Variants in KLHL29 observed in about 807,000 individuals in gnomAD.
KLHL29 encodes the protein kelch like family member 29, also known as kelch-like protein 29.
A neutral mutation model predicts 80.4 loss-of-function variants in KLHL29; 21 were observed. The ratio of observed to expected loss-of-function variants is 0.26; its 90% CI spans 0.19 to 0.38. The LOEUF is 0.38. Ranked by LOEUF, KLHL29 falls within the 10% of genes least tolerant of loss-of-function variation. The pLI, the probability that KLHL29 is intolerant of heterozygous loss-of-function variation, is 1.00. For missense variants in KLHL29, 867 were observed against 1,223.9 expected (o/e 0.71, Z 4.35); for synonymous variants, 511 against 526.8 (o/e 0.97, Z 0.41).
At chr2:23,667,654 T>C (rs1670589845) in intron 5 of KLHL29, 1 of 152,662 alleles carries the variant, frequency 6.6e-6, no homozygotes, top group Non-Finnish European at 1.5e-5. Flanking sequence ...CCATCCTGTG[T>C]AGACCCGGCT....
chr2:23,528,125 ATGT>A (rs1221367410), intron 2 of KLHL29, among the ~76,000 whole-genome samples: 1 of 152,238 alleles, frequency 6.6e-6, no homozygotes, highest in Non-Finnish European at 1.5e-5. Flanking sequence ...TTGGTTTAAA[ATGT>A]TGTTCTTTGC....
intron 2 of KLHL29, among the ~76,000 whole-genome samples, chr2:23,492,963 G>GTA (rs1665150183): frequency 6.6e-6 from 1 of 152,184 alleles, no homozygotes; most frequent in African/African-American, 2.4e-5. Flanking sequence ...CGTTGCAGCT[G>GTA]TATAACCTTG....
intron 5 of KLHL29, among the ~76,000 whole-genome samples, chr2:23,650,405 G>A (rs969973538): frequency 5.9e-5 from 9 of 152,320 alleles, no homozygotes; most frequent in African/African-American, 2.2e-4. Context: ...CCTGATTTGA[G>A]ATAGGGTCAG....
chr2:23,433,226 A>G (rs1317060845), intron 1 of KLHL29, among the ~76,000 whole-genome samples: 1 of 137,612 alleles, frequency 7.3e-6, no homozygotes, highest in Non-Finnish European at 1.7e-5. Flanking sequence ...CCAGCAAAAG[A>G]GTAAGTTCTA....
intron 1 of KLHL29, among the ~76,000 whole-genome samples, chr2:23,463,134 A>G (rs1225999702): frequency 6.7e-6 from 1 of 150,254 alleles, no homozygotes; most frequent in Non-Finnish European, 1.5e-5. Context: ...GTCCTCTGAC[A>G]ATTTTTTGGA....
intron 2 of KLHL29, among the ~76,000 whole-genome samples, chr2:23,534,448 A>G (rs1666600775): frequency 6.6e-6 from 1 of 152,010 alleles, no homozygotes; most frequent in South Asian, 2.1e-4. Context: ...ATTGTTTTCT[A>G]TTGAAATCCT....
chr2:23,631,524 TGGCAG>T (rs900578149), intron 3 of KLHL29, among the ~76,000 whole-genome samples: 22 of 152,114 alleles, frequency 1.4e-4, no homozygotes, highest in Middle Eastern at 3.4e-3. Flanking sequence ...GAGCGCATTA[TGGCAG>T]GGCTCTGAAG....
chr2:23,466,203 G>A (rs375190650), intron 1 of KLHL29, among the ~76,000 whole-genome samples: 2 of 152,168 alleles, frequency 1.3e-5, no homozygotes, highest in African/African-American at 4.8e-5. Flanking sequence ...TGTTCCAAAG[G>A]AGAAATATTC....
At chr2:23,500,345 G>A (rs559009009) in intron 2 of KLHL29, among the ~76,000 whole-genome samples, 62 of 152,338 alleles carry the variant, frequency 4.1e-4, no homozygotes, top group Non-Finnish European at 8.1e-4. Flanking sequence ...ATCGGAAGCC[G>A]TGGAGAAAGT....
At chr2:23,490,284 A>C (rs1665060601) in intron 2 of KLHL29, among the ~76,000 whole-genome samples, 1 of 147,432 alleles carries the variant, frequency 6.8e-6, no homozygotes, top group African/African-American at 2.5e-5. Flanking sequence ...TTGGTGGTTA[A>C]AAAAAAAAAA....
intron 1 of KLHL29, among the ~76,000 whole-genome samples, chr2:23,388,615 T>C (rs1221865957): frequency 1.3e-5 from 2 of 152,236 alleles, no homozygotes; most frequent in Non-Finnish European, 2.9e-5. Flanking sequence ...ATCTTTGGCA[T>C]CAATTTTAGT....
chr2:23,489,084 C>A (rs1007566531), intron 2 of KLHL29, among the ~76,000 whole-genome samples: 1 of 152,112 alleles, frequency 6.6e-6, no homozygotes, highest in East Asian at 1.9e-4. Context: ...TTTCCAACCC[C>A]AGCAATAAAG....
At position 23,696,141 on chromosome 2, in the gene KLHL29, C is replaced by T. The variant is rs1488713584; in HGVS notation, c.1924+8C>T. 1.3e-6 allele frequency: 2 copies of T among 1,549,846 alleles called. No individual in the cohort carries two copies. Among genetic ancestry groups the T allele is most frequent in the Non-Finnish European group, 1.7e-6 (2 of 1,145,840 alleles). On this transcript the variant is annotated splice_region_variant and intron_variant, in intron 10 of 13. Coordinates refer to ENST00000486442, the MANE Select transcript of KLHL29 (RefSeq NM_052920.2). This position sits in a 1 kb window ranked among gnomAD's most constrained non-coding sequence, Gnocchi z 5.5. ...ACAACATCTACCTCTCAGGTGAGGC[C>T]CCCCGGGGTTGGGGCGGGACCAGGC...
chr2:23,425,253 T>C (rs1016044885), intron 1 of KLHL29, among the ~76,000 whole-genome samples: 1 of 152,202 alleles, frequency 6.6e-6, no homozygotes, highest in African/African-American at 2.4e-5. Flanking sequence ...TGTGAAATTA[T>C]AGATTACTGT....
chr2:23,549,874 C>T (rs1220409515), intron 2 of KLHL29, among the ~76,000 whole-genome samples: 3 of 152,240 alleles, frequency 2.0e-5, no homozygotes, highest in African/African-American at 7.2e-5. Flanking sequence ...CTGGGACTGC[C>T]ATCCTTGGCT....
intron 1 of KLHL29, among the ~76,000 whole-genome samples, chr2:23,441,482 G>GAAT (rs199836796): frequency 0.011 from 1,396 of 123,690 alleles, 25 homozygotes; most frequent in African/African-American, 0.04. Flanking sequence ...AGTATAATAA[G>GAAT]AATAATAATA....
chr2:23,574,343 T>C (rs1667791037), intron 3 of KLHL29, among the ~76,000 whole-genome samples: 1 of 152,154 alleles, frequency 6.6e-6, no homozygotes, highest in Non-Finnish European at 1.5e-5. Flanking sequence ...ATGTTCGTAC[T>C]TGACCGGCTG....
intron 2 of KLHL29, among the ~76,000 whole-genome samples, chr2:23,533,762 T>C (rs1666576077): frequency 6.6e-6 from 1 of 152,244 alleles, no homozygotes; most frequent in Admixed American, 6.5e-5. Flanking sequence ...GCTGACAATC[T>C]AGAAGATCCG....
chr2:23,561,936 C>G (rs1044536434), intron 2 of KLHL29, among the ~76,000 whole-genome samples: 2 of 152,198 alleles, frequency 1.3e-5, no homozygotes, highest in Non-Finnish European at 2.9e-5. Flanking sequence ...ATCCTGCCTA[C>G]TTACTTTGGC....
Sources: gnomAD v4.1 joint callset for allele counts (sites outside exome capture counted in the v4.1 genomes callset) on GRCh38, gnomAD v4.1.1 for gene constraint, Gnocchi (gnomAD v3.1) non-coding constraint, MANE v1.5 for transcripts, NCBI Gene and HGNC (gene_info 2026-07-23, HGNC 2026-07-21) for gene names.